MYCBP2: variants seen among roughly 807,000 people sequenced by gnomAD.
MYCBP2 encodes the protein MYC binding protein 2.
Under a neutral mutation model 525.3 loss-of-function variants are expected in MYCBP2, and 120 were observed. That is an observed-to-expected ratio of 0.23 (90% confidence interval 0.20 to 0.27). MYCBP2 has a LOEUF of 0.27. Ranked by LOEUF, MYCBP2 falls within the 10% of genes least tolerant of loss-of-function variation. The pLI is 1.00. For synonymous variants in MYCBP2, 1,894 were observed against 1,955.8 expected (o/e 0.97, Z 0.83); for missense variants, 4,149 against 5,657.1 (o/e 0.73, Z 8.55).
rs758655412 is a variant in MYCBP2 at position 77,278,879 on chromosome 13, T to C, written c.627A>G (p.Glu209=). 2 of 1,593,244 alleles carry C rather than the reference T, an allele frequency of 1.3e-6. No individual in the cohort carries two copies. Among genetic ancestry groups the C allele is most frequent in the East Asian group, 4.6e-5 (2 of 43,490 alleles). Residue 209 remains glutamate (E), a synonymous_variant, in exon 4 of 83, where the codon GAA becomes GAG. Coordinates refer to ENST00000544440, the MANE Select transcript of MYCBP2 (RefSeq NM_015057.5). ...GAGAAAATCGTGTCTCTTTGATCAA[T>C]TCAAAAACTTCACAAAGGCCAACCT... The part of the protein sequence containing the change: ...IIEVGLCEVF[E]LIKETRFSHP...
intron 21 of MYCBP2, among the ~76,000 whole-genome samples, chr13:77,216,164 T>C (rs769251011): frequency 6.6e-6 from 1 of 152,298 alleles, no homozygotes; most frequent in Non-Finnish European, 1.5e-5. Context: ...TTGAAGGGGC[T>C]ACTGCTGGCC....
Position 77,326,877 on chromosome 13 carries a change from G to GGAGCCAGAGGCCGCCGC in MYCBP2, c.-103_-102insGCGGCGGCCTCTGGCTC. 1 of 1,127,936 alleles carries GGAGCCAGAGGCCGCCGC rather than the reference G, an allele frequency of 8.9e-7. No individual in the cohort carries two copies. The highest frequency in any genetic ancestry group is 1.2e-6 in the Non-Finnish European group (1 of 865,074). 69.9% of individuals were successfully genotyped at this position (1,127,936 alleles called of 1,614,324 possible). On this transcript the variant is annotated 5_prime_UTR_variant, in exon 1 of 83. Transcript: ENST00000544440. The surrounding 1 kb of genome is among the most constrained non-coding windows in gnomAD (Gnocchi z 4.2). ...TTTTCCAACGACGACGGCTCCGGCG[G>GGAGCCAGAGGCCGCCGC]CGGCCTCTGGCTCCCGCAGCAGGGA...
intron 1 of MYCBP2, among the ~76,000 whole-genome samples, chr13:77,319,767 G>A (rs916441862): frequency 1.3e-5 from 2 of 152,178 alleles, no homozygotes; most frequent in African/African-American, 4.8e-5. Context: ...AGCGTTATCA[G>A]TATTAGTGCT....
chr13:77,097,787 T>C lies in MYCBP2; in HGVS notation c.9367A>G (p.Met3123Val), dbSNP rs766811860. 1 of 1,613,812 alleles carries C rather than the reference T, an allele frequency of 6.2e-7. No homozygotes were observed. The highest frequency in any genetic ancestry group is 8.5e-7 in the Non-Finnish European group (1 of 1,179,824). ...GSINKNKVLS[M>V]LKEPPLHEKC... The stretch of plus-strand genomic sequence containing the variant: ...TCATGCAGAGGTGGTTCCTTAAGCA[T>C]AGACAATACCTTGTTTTTGTTGATG... Residue 3123 changes from methionine (M) to valine (V), a missense_variant, in exon 56 of 83, where the codon ATG (methionine) becomes GTG (valine). Around this residue, in one of 21 missense-constraint regions of MYCBP2, gnomAD observed 653 missense variants for 744.7 expected, o/e 0.88. Coordinates refer to ENST00000544440, the MANE Select transcript of MYCBP2 (RefSeq NM_015057.5).
chr13:77,155,982 C>T, intron 46 of MYCBP2, 76 bp downstream of exon 46: 1 of 1,411,896 alleles, frequency 7.1e-7, no homozygotes, highest in Non-Finnish European at 9.7e-7. Context: ...ACTCTCAGCA[C>T]TTGGCATTTC....
intron 1 of MYCBP2, among the ~76,000 whole-genome samples, chr13:77,298,294 G>A (rs2078407896): frequency 1.3e-5 from 2 of 152,182 alleles, no homozygotes; most frequent in Admixed American, 6.5e-5. Flanking sequence ...CTCAGCATAA[G>A]TGTCACTTAA....
intron 49 of MYCBP2, among the ~76,000 whole-genome samples, chr13:77,143,841 T>G (rs982609698): frequency 6.6e-6 from 1 of 152,172 alleles, no homozygotes; most frequent in African/African-American, 2.4e-5. Context: ...ATACTGCAGG[T>G]AACTGTAACA....
chr13:77,155,985 G>T, intron 46 of MYCBP2, 73 bp downstream of exon 46: 1 of 1,424,348 alleles, frequency 7.0e-7, no homozygotes, highest in Non-Finnish European at 9.6e-7. Flanking sequence ...CTCAGCACTT[G>T]GCATTTCTAA....
chr13:77,068,861 A>T, intron 69 of MYCBP2, 30 bp from the exon 70 acceptor site: 1 of 1,603,292 alleles, frequency 6.2e-7, no homozygotes, highest in Non-Finnish European at 8.5e-7. Flanking sequence ...AACATGTAAA[A>T]ATATAGGGTT....
intron 14 of MYCBP2, among the ~76,000 whole-genome samples, chr13:77,256,632 TCAA>T (rs534938625): frequency 2.6e-5 from 4 of 152,078 alleles, no homozygotes; most frequent in Non-Finnish European, 5.9e-5. Context: ...GAAAAGGTGC[TCAA>T]CATCATGGAT....
At chr13:77,174,059 G>A (rs2059389036) in intron 37 of MYCBP2, among the ~76,000 whole-genome samples, 1 of 152,150 alleles carries the variant, frequency 6.6e-6, no homozygotes, top group Non-Finnish European at 1.5e-5. Flanking sequence ...CAGCACATAT[G>A]CCCAGTACAC....
intron 8 of MYCBP2, among the ~76,000 whole-genome samples, chr13:77,266,098 A>G (rs1248425881): frequency 6.6e-6 from 1 of 152,168 alleles, no homozygotes; most frequent in Non-Finnish European, 1.5e-5. Context: ...AATAAATAAA[A>G]CAGCTGTAGG....
intron 46 of MYCBP2, among the ~76,000 whole-genome samples, chr13:77,155,530 TTAA>T (rs1313351390): frequency 6.6e-6 from 1 of 152,162 alleles, no homozygotes; most frequent in Non-Finnish European, 1.5e-5. Flanking sequence ...AACATTATTA[TTAA>T]TATTTCAGGT....
rs770338349 is a variant in MYCBP2 at position 77,167,249 on chromosome 13, CAT to C, written c.6115-697_6115-696del. ...TATGTATATACATATATAAATATAACATGTGTGTGTATGTATAACAGAAATCA... is the reference window on the plus strand; with the variant it reads ...TATGTATATACATATATAAATATAACGTGTGTGTATGTATAACAGAAATCA... On this transcript the variant is annotated intron_variant, in intron 40 of 82. Coordinates refer to ENST00000544440, the MANE Select transcript of MYCBP2 (RefSeq NM_015057.5). 8.8e-4 allele frequency among the ~76,000 whole-genome samples: 134 copies of C among 152,026 alleles called. 2 individuals are homozygous for C. Among genetic ancestry groups the C allele is most frequent in the Non-Finnish European group, 4.7e-4 (32 of 67,978 alleles).
At chr13:77,134,045 C>T (rs2053343142) in intron 52 of MYCBP2, among the ~76,000 whole-genome samples, 1 of 151,940 alleles carries the variant, frequency 6.6e-6, no homozygotes, top group African/African-American at 2.4e-5. Flanking sequence ...AATAAGAACT[C>T]AAATATTTAC....
At chr13:77,057,433 T>C (rs1258735667) in intron 78 of MYCBP2, among the ~76,000 whole-genome samples, 1 of 152,204 alleles carries the variant, frequency 6.6e-6, no homozygotes, top group Non-Finnish European at 1.5e-5. Flanking sequence ...TGATTTTCTT[T>C]TGGAGACTAT....
At chr13:77,272,340 G>C (rs974723070) in intron 5 of MYCBP2, 1 of 152,042 alleles carries the variant, frequency 6.6e-6, no homozygotes, top group African/African-American at 2.4e-5. Context: ...CCTCTGGGAG[G>C]CTTTCCATGA....
rs2044849205 is a variant in MYCBP2 at position 77,088,892 on chromosome 13, A to G, written c.10665T>C (p.Gly3555=). The stretch of plus-strand genomic sequence containing the variant: ...GGGCCTGTTTCATTGCTATTTCAAG[A>G]CCTTCTAGATCATGATGTTGTATAA... ...AFVIQHHDLE[G]LEIAMKQALR... is the part of the protein sequence containing the mutation. The change falls in exon 61 of 83, where the codon GGT becomes GGC. Residue 3555 remains glycine, a synonymous_variant. Transcript: ENST00000544440. 1 of 1,613,272 alleles carries G rather than the reference A, an allele frequency of 6.2e-7. No individual in the cohort carries two copies. The highest frequency in any genetic ancestry group is 8.5e-7 in the Non-Finnish European group (1 of 1,179,496).
At chr13:77,078,794 C>T (rs368923189) in intron 66 of MYCBP2, 30 bp downstream of exon 66, 56 of 1,594,096 alleles carry the variant, frequency 3.5e-5, no homozygotes, top group African/African-American at 4.0e-5. Context: ...CTCTAGGTAG[C>T]GAAACATTTA....
Sources: gnomAD v4.1 joint callset for allele counts (sites outside exome capture counted in the v4.1 genomes callset) on GRCh38, gnomAD v4.1.1 for gene constraint, gnomAD v4.1.1 regional missense constraint, Gnocchi (gnomAD v3.1) non-coding constraint, MANE v1.5 for transcripts, NCBI Gene and HGNC (gene_info 2026-07-23, HGNC 2026-07-21) for gene names.